The following ACTR3C variants were observed in gnomAD, a reference collection of about 807,000 sequenced individuals.
ACTR3C encodes the protein actin related protein 3C.
A neutral mutation model predicts 26.3 loss-of-function variants in ACTR3C; 18 were observed. The ratio of observed to expected loss-of-function variants is 0.68; its 90% CI spans 0.47 to 1.01. The LOEUF (loss-of-function observed/expected upper bound fraction) is 1.01. ACTR3C is among the 50% of genes least tolerant of loss of function. The probability of loss-of-function intolerance (pLI) is 0.00; values close to 1 mark genes in which losing one functional copy is unlikely to be tolerated. For synonymous variants in ACTR3C, 55 were observed against 94.5 expected (o/e 0.58, Z 2.42); for missense variants, 184 against 250.7 (o/e 0.73, Z 1.80).
chr7:149,893,650 A>G, the ACTR3C span, among the ~76,000 whole-genome samples: 2 of 152,358 alleles, frequency 1.3e-5, no homozygotes, highest in African/African-American at 4.8e-5. Context: ...TTGTTAAATT[A>G]ACATTTTACT....
chr7:150,140,261 C>T, the ACTR3C span, among the ~76,000 whole-genome samples: 3 of 152,332 alleles, frequency 2.0e-5, no homozygotes, highest in East Asian at 3.9e-4. Flanking sequence ...ATTCCTACAG[C>T]TTTTTCCTAC....
At chr7:150,034,526 G>A in the ACTR3C span, among the ~76,000 whole-genome samples, 1 of 151,434 alleles carries the variant, frequency 6.6e-6, no homozygotes, top group African/African-American at 2.4e-5. Context: ...TGCAGTTTGG[G>A]ATCCACAGTC....
chr7:150,252,788 G>C (rs953968639), intron 6 of ACTR3C, among the ~76,000 whole-genome samples: 4 of 152,134 alleles, frequency 2.6e-5, no homozygotes, highest in African/African-American at 9.7e-5. Flanking sequence ...AACATACTGG[G>C]AATAGGATGT....
At chr7:150,212,510 A>G in the ACTR3C span, among the ~76,000 whole-genome samples, 2 of 149,534 alleles carry the variant, frequency 1.3e-5, no homozygotes, top group Admixed American at 6.6e-5. Flanking sequence ...TATCCATTAT[A>G]TTAAACTTTC....
intron 4 of ACTR3C, among the ~76,000 whole-genome samples, chr7:150,288,685 A>T (rs10274065): frequency 1.4e-5 from 2 of 142,630 alleles, no homozygotes; most frequent in Non-Finnish European, 3.0e-5. Context: ...AAAAAAGAAT[A>T]TCTAATGATA....
chr7:150,275,777 T>A (rs1015611650), intron 6 of ACTR3C, among the ~76,000 whole-genome samples: 1 of 152,168 alleles, frequency 6.6e-6, no homozygotes, highest in Non-Finnish European at 1.5e-5. Flanking sequence ...AAAGTGTTTT[T>A]TACATCTCAA....
chr7:150,174,130 T>C, the ACTR3C span, among the ~76,000 whole-genome samples: 7 of 139,530 alleles, frequency 5.0e-5, 1 homozygote, highest in Non-Finnish European at 1.0e-4. Context: ...TTTTCAGCAA[T>C]GCCCCAATGT....
intron 1 of ACTR3C, among the ~76,000 whole-genome samples, chr7:150,317,958 G>T (rs554700631): frequency 6.6e-6 from 1 of 152,110 alleles, no homozygotes; most frequent in Non-Finnish European, 1.5e-5. Flanking sequence ...TCACAAGAGG[G>T]TGTTAAAAAG....
the ACTR3C span, among the ~76,000 whole-genome samples, chr7:150,221,113 C>T: frequency 1.3e-5 from 2 of 152,252 alleles, no homozygotes; most frequent in African/African-American, 4.8e-5. Context: ...CGGAGGGATG[C>T]GAGCGCTCTG....
chr7:150,055,864 C>G, the ACTR3C span, among the ~76,000 whole-genome samples: 2 of 151,322 alleles, frequency 1.3e-5, no homozygotes, highest in Non-Finnish European at 2.9e-5. Context: ...AGTTTGGACT[C>G]ATTGCTTTTT....
chr7:150,032,827 T>G, the ACTR3C span, among the ~76,000 whole-genome samples: 5 of 152,102 alleles, frequency 3.3e-5, no homozygotes, highest in Non-Finnish European at 5.9e-5. Context: ...TCGTGGAATG[T>G]GTCTATCACT....
At chr7:150,038,293 C>T in the ACTR3C span, among the ~76,000 whole-genome samples, 100 of 144,694 alleles carry the variant, frequency 6.9e-4, 3 homozygotes, top group South Asian at 0.013. Flanking sequence ...ACGTAGGCTA[C>T]GGGCCTCAGC....
At chr7:150,079,939 T>A in the ACTR3C span, among the ~76,000 whole-genome samples, 1 of 152,172 alleles carries the variant, frequency 6.6e-6, no homozygotes, top group South Asian at 2.1e-4. Context: ...CTGGAGGTCA[T>A]CTCCACAGTG....
chr7:150,242,945 A>T (rs1216272732), downstream of ACTR3C, among the ~76,000 whole-genome samples: 5 of 152,232 alleles, frequency 3.3e-5, no homozygotes, highest in Non-Finnish European at 4.4e-5. Context: ...AAAGCTGTAA[A>T]TATGTTCTTA....
chr7:150,313,341 AG>A (rs2129615865), intron 1 of ACTR3C, among the ~76,000 whole-genome samples: 1 of 152,316 alleles, frequency 6.6e-6, no homozygotes, highest in South Asian at 2.1e-4. Context: ...TCCAGGTCAT[AG>A]GTAGATTTTA....
the ACTR3C span, among the ~76,000 whole-genome samples, chr7:149,998,197 T>C: frequency 9.3e-5 from 14 of 151,270 alleles, no homozygotes; most frequent in Non-Finnish European, 1.9e-4. Context: ...CTCAATGCTG[T>C]AAGCAAAAAG....
At chr7:150,152,251 A>G in the ACTR3C span, among the ~76,000 whole-genome samples, 2 of 152,142 alleles carry the variant, frequency 1.3e-5, no homozygotes, top group African/African-American at 2.4e-5. Flanking sequence ...GTTTTTGCCC[A>G]TTCAGTATGA....
At chr7:149,999,304 C>T in the ACTR3C span, among the ~76,000 whole-genome samples, 1 of 150,886 alleles carries the variant, frequency 6.6e-6, no homozygotes, top group Admixed American at 6.7e-5. Context: ...ATCTGTTTTA[C>T]ATTCTCAAGT....
At chr7:150,009,221 G>T in the ACTR3C span, among the ~76,000 whole-genome samples, 11 of 152,238 alleles carry the variant, frequency 7.2e-5, no homozygotes, top group Non-Finnish European at 1.0e-4. Flanking sequence ...GCCACGAGGG[G>T]CTTCCCATCA....
Sources: allele counts gnomAD v4.1 joint callset (sites outside exome capture counted in the v4.1 genomes callset), GRCh38; gene constraint gnomAD v4.1.1; transcripts MANE v1.5; gene names NCBI Gene and HGNC (gene_info 2026-07-23, HGNC 2026-07-21).